The following ST18 variants were observed in gnomAD, a reference collection of about 807,000 sequenced individuals.
ST18 encodes the protein ST18 C2H2C-type zinc finger transcription factor.
In ST18, 50 loss-of-function variants were observed where a neutral mutation model predicts 110.0. That is an observed-to-expected ratio of 0.45 (90% confidence interval 0.36 to 0.58). The LOEUF (loss-of-function observed/expected upper bound fraction) is 0.58, where lower values mean the gene tolerates loss of function less well. ST18 is among the 20% of genes least tolerant of loss of function. The probability of loss-of-function intolerance (pLI) is 0.00; values close to 1 mark genes in which losing one functional copy is unlikely to be tolerated. For synonymous variants in ST18, 461 were observed against 452.4 expected (o/e 1.02, Z -0.24); for missense variants, 1,306 against 1,280.1 (o/e 1.02, Z -0.31).
intron 22 of ST18, among the ~76,000 whole-genome samples, chr8:52,129,816 G>A (rs1020686098): frequency 2.0e-5 from 3 of 151,946 alleles, no homozygotes; most frequent in African/African-American, 7.3e-5. Context: ...AGGCCAAGGT[G>A]GGCAGATCAC....
chr8:52,336,416 G>T (rs530537224), intron 2 of ST18, among the ~76,000 whole-genome samples: 34 of 152,250 alleles, frequency 2.2e-4, no homozygotes, highest in African/African-American at 7.5e-4. Flanking sequence ...CTCTCAAAGT[G>T]CTGGGATTAC....
intron 24 of ST18, 36 bp downstream of exon 24, chr8:52,118,301 AT>A (rs2043292840): frequency 7.3e-7 from 1 of 1,367,036 alleles, no homozygotes; most frequent in Admixed American, 2.1e-5. Context: ...AAAGATTATG[AT>A]TACATTAAGG....
intron 2 of ST18, chr8:52,254,310 T>G (rs1451397080): frequency 3.9e-5 from 6 of 152,196 alleles, no homozygotes; most frequent in Non-Finnish European, 7.3e-5. Flanking sequence ...ACGGAAACAC[T>G]AAAGCTGTTT....
chr8:52,164,156 G>T, intron 12 of ST18, 66 bp from the exon 13 acceptor site: 1 of 1,328,178 alleles, frequency 7.5e-7, no homozygotes, highest in Non-Finnish European at 1.1e-6. Flanking sequence ...TTTGGCATGT[G>T]CCTCACAGCA....
Position 52,409,721 on chromosome 8 carries a change from C to T in ST18, c.-763G>A, listed in dbSNP as rs906260294. The T allele has an allele frequency of 1.3e-5, 2 of 152,276 alleles. No individual in the cohort carries two copies. Among genetic ancestry groups the T allele is most frequent in the African/African-American group, 2.4e-5 (1 of 41,474 alleles). The allele number at this position is 152,276 out of a possible 1,614,324, so 9.4% of individuals were successfully genotyped here. On this transcript the variant is annotated 5_prime_UTR_variant, in exon 1 of 26. Transcript: ENST00000689386. ...TGAGGTCACATTCAGTTAAAAACAT[C>T]CTGCCCTTCTCCCTACAAAAAGGTT...
At chr8:52,307,350 C>A (rs1176279101) in intron 2 of ST18, among the ~76,000 whole-genome samples, 1 of 152,110 alleles carries the variant, frequency 6.6e-6, no homozygotes, top group Non-Finnish European at 1.5e-5. Flanking sequence ...AAAACTCGGT[C>A]TTTTTAATGG....
Position 52,172,356 on chromosome 8 carries a change from G to A in ST18, c.505C>T (p.Leu169=), listed in dbSNP as rs1335588164. 1 of 1,614,154 alleles carries A rather than the reference G, an allele frequency of 6.2e-7. No homozygotes were observed. The highest frequency in any genetic ancestry group is 2.2e-5 in the East Asian group (1 of 44,882). ...AESDEADECF[L]IHSDDGRDKI... ...TCTCTTCCATCATCAGAATGAATCA[G>A]AAAGCACTCGTCTGCTTCATCGCTC... Residue 169 remains leucine (L), a synonymous_variant, in exon 10 of 26, where the codon CTG becomes TTG. Coordinates refer to ENST00000689386, the MANE Select transcript of ST18 (RefSeq NM_001352837.2).
intron 2 of ST18, among the ~76,000 whole-genome samples, chr8:52,255,567 A>C (rs565342893): frequency 6.6e-6 from 1 of 152,258 alleles, no homozygotes; most frequent in Admixed American, 6.5e-5. Flanking sequence ...ACCAATATAA[A>C]GATTTAATTT....
intron 2 of ST18, among the ~76,000 whole-genome samples, chr8:52,397,217 T>C (rs773286028): frequency 1.8e-4 from 28 of 152,326 alleles, no homozygotes; most frequent in Admixed American, 1.0e-3. Flanking sequence ...TAGTTTGCAT[T>C]TCCTTGATGA....
At chr8:52,189,099 A>G (rs992094441) in intron 8 of ST18, among the ~76,000 whole-genome samples, 1 of 152,126 alleles carries the variant, frequency 6.6e-6, no homozygotes, top group East Asian at 1.9e-4. Flanking sequence ...CACACTGGAG[A>G]TGATGAATAC....
rs142207129 is a variant in ST18, at chr8:52,279,379, A to T, written c.-464-49302T>A. Among the ~76,000 whole-genome samples the T allele has an allele frequency of 5.9e-5, 9 of 152,294 alleles. No individual in the cohort carries two copies. The South Asian group carries it at 1.7e-3, about 28-fold the overall frequency. On this transcript the variant is annotated intron_variant, in intron 2 of 25. Transcript: ENST00000689386. ...TACTCAGACTATAGCACAAACAGAT[A>T]TGGAGATTAAAATATTAAAGTTATG...
chr8:52,290,284 G>T (rs2095535753), intron 2 of ST18, among the ~76,000 whole-genome samples: 1 of 152,064 alleles, frequency 6.6e-6, no homozygotes, highest in Non-Finnish European at 1.5e-5. Context: ...TTGGTGGGCT[G>T]GGCATTTGAC....
chr8:52,367,094 T>C (rs1828274515), intron 2 of ST18, among the ~76,000 whole-genome samples: 3 of 152,052 alleles, frequency 2.0e-5, no homozygotes, highest in African/African-American at 7.2e-5. Flanking sequence ...TAGCTGGGCG[T>C]GGTGGTGCAT....
intron 3 of ST18, among the ~76,000 whole-genome samples, chr8:52,222,280 T>C (rs1015923451): frequency 2.6e-5 from 4 of 152,184 alleles, no homozygotes; most frequent in South Asian, 4.1e-4. Context: ...ATCTGCACAA[T>C]TGCAATTTTT....
chr8:52,182,140 C>T (rs1007690269), intron 8 of ST18, among the ~76,000 whole-genome samples: 4 of 152,070 alleles, frequency 2.6e-5, no homozygotes, highest in Non-Finnish European at 4.4e-5. Flanking sequence ...GATATTAAAG[C>T]AGGGAAAGGA....
At chr8:52,178,103 T>C (rs2067627336) in intron 9 of ST18, among the ~76,000 whole-genome samples, 1 of 152,294 alleles carries the variant, frequency 6.6e-6, no homozygotes, top group East Asian at 1.9e-4. Context: ...TTGGTTCATA[T>C]CAAACATGTA....
chr8:52,363,355 C>T (rs1460941331), intron 2 of ST18, among the ~76,000 whole-genome samples: 1 of 151,992 alleles, frequency 6.6e-6, no homozygotes, highest in East Asian at 1.9e-4. Context: ...GTGAATCAGC[C>T]CATTTGGGGG....
chr8:52,177,535 G>C (rs77754044), intron 9 of ST18, among the ~76,000 whole-genome samples: 5 of 152,220 alleles, frequency 3.3e-5, no homozygotes, highest in East Asian at 3.9e-4. Context: ...TTCCTCCTAG[G>C]GGGTGGGGGG....
chr8:52,157,015 G>A (rs1360703690), intron 15 of ST18, among the ~76,000 whole-genome samples: 1 of 152,184 alleles, frequency 6.6e-6, no homozygotes, highest in Non-Finnish European at 1.5e-5. Flanking sequence ...CGTGCGGCGA[G>A]CTCCTGTCAC....
Sources: allele counts gnomAD v4.1 joint callset (sites outside exome capture counted in the v4.1 genomes callset), GRCh38; gene constraint gnomAD v4.1.1; transcripts MANE v1.5; gene names NCBI Gene and HGNC (gene_info 2026-07-23, HGNC 2026-07-21).